DDX6: variants seen among roughly 807,000 people sequenced by gnomAD.
DDX6 encodes DEAD-box helicase 6.
In DDX6, 7 loss-of-function variants were observed where a neutral mutation model predicts 60.6. The ratio of observed to expected loss-of-function variants is 0.12; its 90% confidence interval spans 0.07 to 0.22. DDX6 has a LOEUF of 0.22. Ranked by LOEUF, DDX6 falls within the 10% of genes least tolerant of loss-of-function variation. DDX6 has a pLI of 1.00. For missense variants in DDX6, 270 were observed against 589.9 expected, an observed-to-expected ratio of 0.46 and a Z score of 5.62; for synonymous variants, 207 against 201.0, an observed-to-expected ratio of 1.03 and a Z score of -0.25.
intron 2 of DDX6, among the ~76,000 whole-genome samples, chr11:118,783,873 T>G (rs1861985763): frequency 6.9e-6 from 1 of 145,504 alleles, no homozygotes; most frequent in Admixed American, 7.0e-5. Flanking sequence ...CCCAGCACTG[T>G]GAGAGGTCGA....
At chr11:118,764,313 G>A (rs1192217022) in intron 6 of DDX6, among the ~76,000 whole-genome samples, 1 of 152,040 alleles carries the variant, frequency 6.6e-6, no homozygotes, top group African/African-American at 2.4e-5. Flanking sequence ...ACCTCTTCAT[G>A]AAAATGAATA....
chr11:118,758,910 G>T lies in DDX6; in HGVS notation c.865-8C>A. On this transcript the variant is annotated splice_region_variant and splice_polypyrimidine_tract_variant and intron_variant, in intron 8 of 13. Transcript: ENST00000534980. ...TTTCTGCAAATGGGAATTCTGGGGGGGGAGCGGGAAAAAGATGAGTCGTCG... is the reference window on the plus strand; with the variant it reads ...TTTCTGCAAATGGGAATTCTGGGGGTGGAGCGGGAAAAAGATGAGTCGTCG... 6.2e-7 allele frequency: 1 copy of T among 1,612,776 alleles called. No homozygotes were observed. The highest frequency in any genetic ancestry group is 1.1e-5 in the South Asian group (1 of 90,876).
intron 3 of DDX6, 144 bp from the exon 4 acceptor site, chr11:118,779,880 C>T (rs1201264793): frequency 6.9e-6 from 4 of 580,750 alleles, no homozygotes; most frequent in Admixed American, 6.4e-5. Context: ...CTTTGGGAGG[C>T]CAAGGCGGGC....
chr11:118,766,663 G>C (rs368296277), intron 5 of DDX6, among the ~76,000 whole-genome samples: 1 of 151,936 alleles, frequency 6.6e-6, no homozygotes, highest in South Asian at 2.1e-4. Flanking sequence ...CTGCCATCTC[G>C]GCCCACTGCA....
At chr11:118,763,348 T>C in intron 6 of DDX6, 42 bp from the exon 7 acceptor site, 1 of 1,459,406 alleles carries the variant, frequency 6.9e-7, no homozygotes, top group Non-Finnish European at 9.6e-7. Context: ...TTAATTTTAA[T>C]TTGAGCAAAG....
At chr11:118,789,528 A>C (rs1300824454) in intron 1 of DDX6, 2 of 152,236 alleles carry the variant, frequency 1.3e-5, no homozygotes, top group Non-Finnish European at 2.9e-5. Context: ...TCCTTAAAAA[A>C]AAAATGAACA....
At chr11:118,774,464 CTT>C (rs11442846) in intron 4 of DDX6, among the ~76,000 whole-genome samples, 40 of 116,412 alleles carry the variant, frequency 3.4e-4, no homozygotes, top group South Asian at 1.4e-3. Flanking sequence ...CTCTAACAGT[CTT>C]TTTTTTTTTT....
rs782116314 is a variant in DDX6, at chr11:118,758,905, G to C, written c.865-3C>G. The C allele has an allele frequency of 8.1e-6, 13 of 1,602,162 alleles. No homozygotes were observed. Among genetic ancestry groups the C allele is most frequent in the Admixed American group, 5.1e-5 (3 of 59,038 alleles). ...TAGGGTTTCTGCAAATGGGAATTCT[G>C]GGGGGGGAGCGGGAAAAAGATGAGT... On this transcript the variant is annotated splice_region_variant and splice_polypyrimidine_tract_variant and intron_variant, in intron 8 of 13. Transcript: ENST00000534980.
At chr11:118,789,932 AAAAAAAC>A (rs149943776) in intron 1 of DDX6, 26,025 of 151,792 alleles carry the variant, frequency 0.17, 2,439 homozygotes, top group South Asian at 0.28. Context: ...AACAAAAAAC[AAAAAAAC>A]AAAAAACAAA....
At chr11:118,773,353 A>AG (rs1555162964) in intron 4 of DDX6, among the ~76,000 whole-genome samples, 2 of 151,904 alleles carry the variant, frequency 1.3e-5, no homozygotes, top group Non-Finnish European at 2.9e-5. Context: ...GCAGACCATG[A>AG]GGTCAGGAGA....
At chr11:118,761,831 A>G (rs1466324800) in intron 7 of DDX6, among the ~76,000 whole-genome samples, 1 of 147,436 alleles carries the variant, frequency 6.8e-6, no homozygotes, top group Non-Finnish European at 1.5e-5. Flanking sequence ...CAGGATACCT[A>G]CCTTATAGGT....
chr11:118,760,623 C>A (rs1449287403), intron 7 of DDX6, among the ~76,000 whole-genome samples: 1 of 147,800 alleles, frequency 6.8e-6, no homozygotes, highest in Middle Eastern at 4.2e-3. Flanking sequence ...GAGTTTGAGA[C>A]CAGCCTGACC....
chr11:118,761,873 A>AAC (rs1254541278), intron 7 of DDX6, among the ~76,000 whole-genome samples: 1 of 151,910 alleles, frequency 6.6e-6, no homozygotes, highest in East Asian at 1.9e-4. Context: ...AAAAAAAAAA[A>AAC]AAAAACAAAC....
intron 1 of DDX6, chr11:118,790,040 C>T (rs561266691): frequency 6.6e-5 from 10 of 152,320 alleles, no homozygotes; most frequent in African/African-American, 2.4e-4. Context: ...CAGTTTCACA[C>T]CCAAAACAGT....
At chr11:118,758,949 C>T (rs1555159603) in intron 8 of DDX6, 47 bp from the exon 9 acceptor site, 2 of 1,607,796 alleles carry the variant, frequency 1.2e-6, no homozygotes, top group Admixed American at 1.7e-5. Context: ...TAAATGAAAG[C>T]AGAGTTCATC....
At chr11:118,764,831 C>CACACAT (rs1555160990) in intron 6 of DDX6, among the ~76,000 whole-genome samples, 5 of 150,124 alleles carry the variant, frequency 3.3e-5, no homozygotes, top group Non-Finnish European at 7.4e-5. Context: ...TACACACACA[C>CACACAT]ACACACATTA....
At chr11:118,767,574 T>C (rs1471705172) in intron 5 of DDX6, 3 of 151,658 alleles carry the variant, frequency 2.0e-5, no homozygotes, top group East Asian at 1.9e-4. Context: ...AATAGTTCCA[T>C]AGTTTATAAG....
At chr11:118,763,414 A>G (rs1445726480) in intron 6 of DDX6, 108 bp from the exon 7 acceptor site, 1 of 822,644 alleles carries the variant, frequency 1.2e-6, no homozygotes, top group Non-Finnish European at 2.0e-6. Flanking sequence ...ATTCTGAGAA[A>G]TGCATTGCTA....
intron 4 of DDX6, among the ~76,000 whole-genome samples, chr11:118,771,891 G>A (rs1041612748): frequency 6.6e-6 from 1 of 152,154 alleles, no homozygotes; most frequent in East Asian, 1.9e-4. Context: ...TCCTCAAAAG[G>A]TTAAAAAGAG....
Sources: gnomAD v4.1 joint callset for allele counts (sites outside exome capture counted in the v4.1 genomes callset) on GRCh38, gnomAD v4.1.1 for gene constraint, MANE v1.5 for transcripts, NCBI Gene and HGNC (gene_info 2026-07-23, HGNC 2026-07-21) for gene names.